COG5: variants seen among roughly 807,000 people sequenced by gnomAD.
The protein encoded by COG5 is conserved oligomeric Golgi complex subunit 5.
In COG5, 86 loss-of-function variants were observed where a neutral mutation model predicts 110.4. The ratio of observed to expected loss-of-function variants is 0.78; its 90% CI spans 0.65 to 0.93. COG5 has a LOEUF of 0.93. Among genes scored for constraint, COG5 ranks in the 40% least tolerant of loss-of-function variants. The pLI, the probability that COG5 is intolerant of heterozygous loss-of-function variation, is 0.00. For missense variants in COG5, 1,077 were observed against 987.0 expected (o/e 1.09, Z -1.22); for synonymous variants, 360 against 334.6 (o/e 1.08, Z -0.83).
At chr7:107,368,063 G>A (rs960357198) in intron 8 of COG5, among the ~76,000 whole-genome samples, 1 of 151,996 alleles carries the variant, frequency 6.6e-6, no homozygotes, top group Non-Finnish European at 1.5e-5. Flanking sequence ...GAGGATGGGG[G>A]GCGGGAAGGG....
At chr7:107,305,277 C>CT (rs778063885) in intron 11 of COG5, among the ~76,000 whole-genome samples, 1 of 152,134 alleles carries the variant, frequency 6.6e-6, no homozygotes, top group Non-Finnish European at 1.5e-5. Flanking sequence ...AACAGTCAGC[C>CT]TTCATAGCTT....
At chr7:107,349,650 C>T (rs1269489367) in intron 10 of COG5, among the ~76,000 whole-genome samples, 2 of 152,074 alleles carry the variant, frequency 1.3e-5, no homozygotes, top group South Asian at 4.1e-4. Flanking sequence ...CTCCGCCTCC[C>T]GGGTTCACGC....
intron 17 of COG5, among the ~76,000 whole-genome samples, chr7:107,241,829 G>T (rs1164604608): frequency 6.6e-6 from 1 of 152,072 alleles, no homozygotes. Context: ...CATCTATCCT[G>T]GAGTGCAATG....
At chr7:107,455,897 G>T (rs181761988) in intron 6 of COG5, among the ~76,000 whole-genome samples, 1 of 151,780 alleles carries the variant, frequency 6.6e-6, no homozygotes, top group South Asian at 2.1e-4. Flanking sequence ...GCGTTCAAGC[G>T]ATTCTTGTGC....
intron 11 of COG5, among the ~76,000 whole-genome samples, chr7:107,319,463 T>A (rs987167386): frequency 6.6e-6 from 1 of 152,196 alleles, no homozygotes; most frequent in Non-Finnish European, 1.5e-5. Flanking sequence ...ATATATTGAT[T>A]CCCATTTTTT....
chr7:107,444,592 A>C (rs139277884), intron 6 of COG5, among the ~76,000 whole-genome samples: 1 of 152,176 alleles, frequency 6.6e-6, no homozygotes, highest in Non-Finnish European at 1.5e-5. Context: ...TTCATAGCAC[A>C]TTGTTAATAT....
chr7:107,377,245 TG>T (rs1814716347), intron 7 of COG5, among the ~76,000 whole-genome samples: 1 of 152,206 alleles, frequency 6.6e-6, no homozygotes, highest in Admixed American at 6.5e-5. Context: ...AATTCAATTT[TG>T]TTAATAGATA....
intron 6 of COG5, among the ~76,000 whole-genome samples, chr7:107,495,041 G>C (rs1798189624): frequency 6.6e-6 from 1 of 152,118 alleles, no homozygotes; most frequent in Admixed American, 6.6e-5. Context: ...GCAATCGAAA[G>C]TCAGAGAGGA....
chr7:107,244,984 C>T (rs1317135488), intron 17 of COG5, among the ~76,000 whole-genome samples: 3 of 152,046 alleles, frequency 2.0e-5, no homozygotes, highest in African/African-American at 4.8e-5. Flanking sequence ...CAAAACTTGG[C>T]AGAGACACAG....
At chr7:107,405,690 C>T (rs1467977875) in intron 7 of COG5, among the ~76,000 whole-genome samples, 1 of 152,198 alleles carries the variant, frequency 6.6e-6, no homozygotes, top group Non-Finnish European at 1.5e-5. Flanking sequence ...ACACAGCAAG[C>T]TGCAATAGTC....
At chr7:107,269,299 C>A (rs1234800566) in intron 14 of COG5, among the ~76,000 whole-genome samples, 1 of 152,084 alleles carries the variant, frequency 6.6e-6, no homozygotes, top group Non-Finnish European at 1.5e-5. Flanking sequence ...CTCGGTGATA[C>A]CCCGTCTCTA....
chr7:107,362,421 CT>C lies in COG5; in HGVS notation c.836-2del. 1 of 1,604,078 alleles carries C rather than the reference CT, an allele frequency of 6.2e-7. No homozygotes were observed. The highest frequency in any genetic ancestry group is 1.3e-5 in the African/African-American group (1 of 74,740). Reference sequence around the variant, plus strand: ...GGCATGGTAGATCGTCCAGGTCCCCCTGGTTATGAGTGAGAAAGAACAATGA... The same window carrying C: ...GGCATGGTAGATCGTCCAGGTCCCCCGGTTATGAGTGAGAAAGAACAATGA... On this transcript the variant is annotated splice_acceptor_variant, in intron 8 of 21. Transcript: ENST00000297135. LOFTEE classifies it high-confidence loss of function.
intron 19 of COG5, among the ~76,000 whole-genome samples, chr7:107,214,013 T>C (rs1438060036): frequency 6.6e-6 from 1 of 151,956 alleles, no homozygotes; most frequent in Non-Finnish European, 1.5e-5. Context: ...AAATAAAAAG[T>C]TAAATGAAAT....
At chr7:107,491,565 A>C (rs1282174869) in intron 6 of COG5, among the ~76,000 whole-genome samples, 3 of 152,178 alleles carry the variant, frequency 2.0e-5, no homozygotes, top group African/African-American at 7.2e-5. Flanking sequence ...TTCATTTTCA[A>C]AGCCCTTTTA....
chr7:107,234,649 C>T (rs1801032633), intron 18 of COG5, among the ~76,000 whole-genome samples: 1 of 152,060 alleles, frequency 6.6e-6, no homozygotes, highest in East Asian at 1.9e-4. Context: ...ACTCAAGAAC[C>T]AGCTGGAGCA....
At chr7:107,501,488 CTT>C (rs1309077957) in intron 6 of COG5, among the ~76,000 whole-genome samples, 1 of 151,932 alleles carries the variant, frequency 6.6e-6, no homozygotes, top group Non-Finnish European at 1.5e-5. Context: ...ATGCTTGCAA[CTT>C]TAAAATGTAC....
intron 21 of COG5, among the ~76,000 whole-genome samples, chr7:107,204,028 G>A (rs1444284339): frequency 2.0e-5 from 3 of 152,206 alleles, no homozygotes; most frequent in African/African-American, 7.2e-5. Flanking sequence ...GCACGCTCAA[G>A]AGTACAAGGG....
At chr7:107,486,883 C>G (rs1053144528) in intron 6 of COG5, among the ~76,000 whole-genome samples, 1 of 152,122 alleles carries the variant, frequency 6.6e-6, no homozygotes, top group Non-Finnish European at 1.5e-5. Context: ...CCAGGAGGCA[C>G]AGTTCACATT....
intron 6 of COG5, among the ~76,000 whole-genome samples, chr7:107,459,643 A>T (rs1165456216): frequency 6.6e-6 from 1 of 151,956 alleles, no homozygotes; most frequent in Non-Finnish European, 1.5e-5. Context: ...TGGGAAAAAT[A>T]AAAAAAGCCA....
Sources: allele counts gnomAD v4.1 joint callset (sites outside exome capture counted in the v4.1 genomes callset), GRCh38; gene constraint gnomAD v4.1.1; transcripts MANE v1.5; gene names NCBI Gene and HGNC (gene_info 2026-07-23, HGNC 2026-07-21).